Variants in ITPRID1 observed in about 807,000 individuals in gnomAD.
ITPRID1 encodes protein ITPRID1.
Under a neutral mutation model 95.4 loss-of-function variants are expected in ITPRID1, and 96 were observed. That is an observed-to-expected ratio of 1.01 (90% CI 0.85 to 1.19). ITPRID1 has a LOEUF of 1.19. Among genes scored for constraint, ITPRID1 ranks in the 50% most tolerant of loss-of-function variants. ITPRID1 has a pLI of 0.00. For missense variants in ITPRID1, 1,339 were observed against 1,252.9 expected, an observed-to-expected ratio of 1.07 and a Z score of -1.04; for synonymous variants, 510 against 453.6, an observed-to-expected ratio of 1.12 and a Z score of -1.58.
intron 9 of ITPRID1, among the ~76,000 whole-genome samples, chr7:31,579,519 C>T (rs887648816): frequency 6.6e-6 from 1 of 152,142 alleles, no homozygotes; most frequent in Non-Finnish European, 1.5e-5. Context: ...ACAGAGCCAG[C>T]CCTACAGATA....
At chr7:31,575,577 C>T (rs982589138) in intron 8 of ITPRID1, among the ~76,000 whole-genome samples, 1 of 152,116 alleles carries the variant, frequency 6.6e-6, no homozygotes, top group Non-Finnish European at 1.5e-5. Context: ...GCACTTTCAG[C>T]CTCCTAGAGG....
At chr7:31,520,909 C>T (rs1270472256) in intron 1 of ITPRID1, among the ~76,000 whole-genome samples, 1 of 151,824 alleles carries the variant, frequency 6.6e-6, no homozygotes, top group African/African-American at 2.4e-5. Context: ...CTTCTGCTTG[C>T]TTAGTTGTAG....
At chr7:31,542,358 T>A (rs928404236) in intron 1 of ITPRID1, among the ~76,000 whole-genome samples, 1 of 152,142 alleles carries the variant, frequency 6.6e-6, no homozygotes, top group Non-Finnish European at 1.5e-5. Context: ...TTGTACAACA[T>A]TTCTTGCATA....
chr7:31,618,069 G>C (rs746697790), intron 10 of ITPRID1, among the ~76,000 whole-genome samples: 5 of 152,176 alleles, frequency 3.3e-5, no homozygotes, highest in Non-Finnish European at 7.3e-5. Flanking sequence ...GATGACAGAA[G>C]CCTATCAGGT....
chr7:31,521,609 T>C (rs1053493175), intron 1 of ITPRID1, among the ~76,000 whole-genome samples: 1 of 140,526 alleles, frequency 7.1e-6, no homozygotes, highest in Non-Finnish European at 1.6e-5. Context: ...GTCCAGCTTT[T>C]TCTCCTTTCC....
At position 31,554,462 on chromosome 7, in the gene ITPRID1, T is replaced by A. The variant is rs1784383538; in HGVS notation, c.164-13T>A. 6.2e-7 allele frequency: 1 copy of A among 1,611,392 alleles called. No homozygotes were observed. Among genetic ancestry groups the A allele is most frequent in the African/African-American group, 1.3e-5 (1 of 74,892 alleles). On this transcript the variant is annotated splice_polypyrimidine_tract_variant and intron_variant, in intron 3 of 14. Coordinates refer to ENST00000615280, the MANE Select transcript of ITPRID1 (RefSeq NM_001257967.3). ...GTGCTTTGACTAACTGATCTGTTCT[T>A]TCTTACTTGTAGAAGATTCCAAGCA...
intron 10 of ITPRID1, among the ~76,000 whole-genome samples, chr7:31,619,564 GA>G (rs1424909210): frequency 6.6e-6 from 1 of 151,812 alleles, no homozygotes; most frequent in East Asian, 2.0e-4. Context: ...CTATGCTGAG[GA>G]AATCAATGGT....
Position 31,628,066 on chromosome 7 carries a change from G to T in ITPRID1, c.1229-14110G>T, listed in dbSNP as rs1048704387. ...CACCCCAGGCCTAAAAAAGCAGAGG[G>T]AGCCGACTACTGGAGCCTGTGAAAG... is the stretch of plus-strand genomic sequence containing the variant. On this transcript the variant is annotated intron_variant, in intron 10 of 14. Coordinates refer to ENST00000615280, the MANE Select transcript of ITPRID1 (RefSeq NM_001257967.3). 3.3e-5 allele frequency among the ~76,000 whole-genome samples: 5 copies of T among 152,202 alleles called. No homozygotes were observed. The South Asian group carries it at 8.3e-4, about 25-fold the overall frequency.
intron 1 of ITPRID1, among the ~76,000 whole-genome samples, chr7:31,537,197 C>T (rs2128131887): frequency 6.6e-6 from 1 of 151,708 alleles, no homozygotes; most frequent in East Asian, 1.9e-4. Context: ...CTACTTTGCT[C>T]CCAATCTTCC....
chr7:31,653,393 C>T lies in ITPRID1; in HGVS notation c.*564C>T, dbSNP rs1335440374. On this transcript the variant is annotated 3_prime_UTR_variant, in exon 15 of 15. Transcript: ENST00000615280. The stretch of plus-strand genomic sequence containing the variant: ...ATTCACCTAGCTCAGTGGATCTGCA[C>T]TTTTACAGAAGGTAAAATAAACATA... The T allele has an allele frequency of 6.5e-6, 1 of 152,798 alleles. No homozygotes were observed. Among genetic ancestry groups the T allele is most frequent in the Non-Finnish European group, 1.4e-5 (1 of 69,004 alleles). The allele number at this position is 152,798 out of a possible 1,614,324, so 9.5% of individuals were successfully genotyped here. A position where few individuals can be genotyped will look rare whatever the true frequency, so the allele number is the denominator to read the frequency against.
At chr7:31,650,993 G>T in intron 12 of ITPRID1, 149 bp from the exon 13 acceptor site, 1 of 723,826 alleles carries the variant, frequency 1.4e-6, no homozygotes, top group East Asian at 3.2e-5. Flanking sequence ...CCCAAATATT[G>T]GGCTCTTCCT....
At chr7:31,601,283 T>C (rs941419050) in intron 10 of ITPRID1, among the ~76,000 whole-genome samples, 10 of 152,198 alleles carry the variant, frequency 6.6e-5, no homozygotes, top group Admixed American at 3.3e-4. Flanking sequence ...ATTGAATGAG[T>C]ACTTACTGAG....
At chr7:31,516,279 T>C (rs1183173272) in intron 1 of ITPRID1, among the ~76,000 whole-genome samples, 2 of 152,162 alleles carry the variant, frequency 1.3e-5, no homozygotes, top group African/African-American at 4.8e-5. Flanking sequence ...TGTGTGCATG[T>C]GTATGTATGT....
chr7:31,626,477 AT>A (rs1788479402), intron 10 of ITPRID1, among the ~76,000 whole-genome samples: 1 of 152,102 alleles, frequency 6.6e-6, no homozygotes, highest in Non-Finnish European at 1.5e-5. Context: ...TTCTGTTTGC[AT>A]TTTACTATTT....
intron 1 of ITPRID1, among the ~76,000 whole-genome samples, chr7:31,533,531 T>C (rs929751510): frequency 1.3e-5 from 2 of 152,200 alleles, no homozygotes; most frequent in African/African-American, 4.8e-5. Context: ...TTTTCTTCTT[T>C]CCCTGTCTTC....
At chr7:31,622,856 G>T (rs181473176) in intron 10 of ITPRID1, among the ~76,000 whole-genome samples, 2 of 152,012 alleles carry the variant, frequency 1.3e-5, no homozygotes, top group Non-Finnish European at 2.9e-5. Context: ...TTGATAGACC[G>T]CTAGCAAGAC....
intron 6 of ITPRID1, among the ~76,000 whole-genome samples, chr7:31,570,486 C>T (rs889682463): frequency 1.3e-5 from 2 of 152,178 alleles, no homozygotes; most frequent in African/African-American, 4.8e-5. Context: ...TTGTCACCTT[C>T]GCATTTTCAG....
intron 10 of ITPRID1, among the ~76,000 whole-genome samples, chr7:31,616,129 T>C (rs1322602266): frequency 6.6e-6 from 1 of 152,184 alleles, no homozygotes; most frequent in East Asian, 1.9e-4. Context: ...GTTCCTACTG[T>C]ACATGCAAAA....
At chr7:31,537,094 GTTGT>G (rs1783783044) in intron 1 of ITPRID1, among the ~76,000 whole-genome samples, 1 of 98,398 alleles carries the variant, frequency 1.0e-5, no homozygotes, top group Non-Finnish European at 2.1e-5. Flanking sequence ...AGGTGTGTGT[GTTGT>G]GTGTGTGTGT....
Sources: gnomAD v4.1 joint callset for allele counts (sites outside exome capture counted in the v4.1 genomes callset) on GRCh38, gnomAD v4.1.1 for gene constraint, MANE v1.5 for transcripts, NCBI Gene and HGNC (gene_info 2026-07-23, HGNC 2026-07-21) for gene names.